The following CADPS variants were observed in gnomAD, a reference collection of about 807,000 sequenced individuals.
The protein encoded by CADPS is calcium-dependent secretion activator 1.
Under a neutral mutation model 167.3 loss-of-function variants are expected in CADPS, and 57 were observed. That is an observed-to-expected ratio of 0.34 (90% confidence interval 0.28 to 0.42). The LOEUF is 0.42. Among genes scored for constraint, CADPS ranks in the 20% least tolerant of loss-of-function variants. The pLI, the probability that CADPS is intolerant of heterozygous loss-of-function variation, is 1.00. For missense variants in CADPS, 1,414 were observed against 1,738.1 expected (o/e 0.81, Z 3.32); for synonymous variants, 676 against 635.3 (o/e 1.06, Z -0.96).
intron 22 of CADPS, among the ~76,000 whole-genome samples, chr3:62,479,483 T>C (rs928591884): frequency 9.9e-5 from 15 of 152,254 alleles, no homozygotes; most frequent in African/African-American, 3.6e-4. Context: ...TGGGTGTTTC[T>C]ATTGTGACAG....
Position 62,532,717 on chromosome 3 carries a change from T to G in CADPS, c.2291+154A>C, listed in dbSNP as rs75239970. On this transcript the variant is annotated intron_variant, in intron 13 of 29. Transcript: ENST00000383710. ...GAAAGGAGAAGAAAGTTAGTGCCCT[T>G]TGTGTGTGTGTGTGTGTGTGTGTGT... 1.8e-3 allele frequency among the ~76,000 whole-genome samples: 263 copies of G among 148,948 alleles called. 3 individuals carry two copies. The highest frequency in any genetic ancestry group is 6.1e-3 in the African/African-American group (248 of 40,376).
At chr3:62,810,824 G>A (rs557433161) in intron 1 of CADPS, among the ~76,000 whole-genome samples, 111 of 152,334 alleles carry the variant, frequency 7.3e-4, no homozygotes, top group Non-Finnish European at 8.5e-4. Context: ...CCATTAGGGC[G>A]ATTGTGAGGG....
intron 21 of CADPS, among the ~76,000 whole-genome samples, chr3:62,487,022 T>C (rs748462644): frequency 6.6e-6 from 1 of 152,228 alleles, no homozygotes; most frequent in Non-Finnish European, 1.5e-5. Context: ...GAATGTCTTA[T>C]GGAAAGCCAC....
In CADPS at chr3:62,669,483, G is replaced by C. The variant is rs78453380; in HGVS notation, c.889-7089C>G. ...TGGGGTTTGAACTGTGGCTGTTTTT[G>C]CCGCATTCAAGACCTGGTTACTGCC... is the stretch of plus-strand genomic sequence containing the variant. On this transcript the variant is annotated intron_variant, in intron 3 of 29. Transcript: ENST00000383710. 2.1e-4 allele frequency among the ~76,000 whole-genome samples: 32 copies of C among 152,232 alleles called. No homozygotes were observed. The East Asian group carries it at 6.2e-3, about 30-fold the overall frequency.
At chr3:62,734,087 T>G (rs1476039701) in intron 3 of CADPS, among the ~76,000 whole-genome samples, 2 of 152,230 alleles carry the variant, frequency 1.3e-5, no homozygotes, top group African/African-American at 4.8e-5. Flanking sequence ...TGAATTTTGC[T>G]GCTATAAATA....
At chr3:62,852,120 C>T (rs868373346) in intron 1 of CADPS, among the ~76,000 whole-genome samples, 2,032 of 149,194 alleles carry the variant, frequency 0.014, 36 homozygotes, top group African/African-American at 0.048. Flanking sequence ...TGGTTTTCAG[C>T]TCCATCAGCT....
Position 62,874,550 on chromosome 3 carries a change from G to C in CADPS, c.441+39C>G. The stretch of plus-strand genomic sequence containing the variant: ...TTGTTCACCCCGCCCGCCTGGCGAC[G>C]TCCGGGTGCTGCTCCCTGGGCCTCC... On this transcript the variant is annotated intron_variant, in intron 1 of 29. Coordinates refer to ENST00000383710, the MANE Select transcript of CADPS (RefSeq NM_003716.4). The surrounding 1 kb of genome is among the most constrained non-coding windows in gnomAD (Gnocchi z 7.1). The C allele has an allele frequency of 1.3e-6, 2 of 1,484,060 alleles. No individual in the cohort carries two copies. Among genetic ancestry groups the C allele is most frequent in the Non-Finnish European group, 1.8e-6 (2 of 1,092,626 alleles). 91.9% of individuals were successfully genotyped at this position (1,484,060 alleles called of 1,614,324 possible).
chr3:62,859,917 A>G (rs2080450379), intron 1 of CADPS, among the ~76,000 whole-genome samples: 2 of 152,168 alleles, frequency 1.3e-5, no homozygotes, highest in South Asian at 2.1e-4. Context: ...CCAGAAGTCT[A>G]CATTATCTTT....
intron 3 of CADPS, among the ~76,000 whole-genome samples, chr3:62,737,188 C>G (rs2079149296): frequency 6.6e-6 from 1 of 151,930 alleles, no homozygotes; most frequent in South Asian, 2.1e-4. Flanking sequence ...CCCCCACAAT[C>G]TAAGTAAATC....
intron 13 of CADPS, among the ~76,000 whole-genome samples, chr3:62,522,492 A>T (rs1276834101): frequency 6.6e-6 from 1 of 152,104 alleles, no homozygotes; most frequent in East Asian, 1.9e-4. Flanking sequence ...AGTAAGAACC[A>T]CTGTGTCAGT....
At chr3:62,585,047 A>G (rs2084295405) in intron 8 of CADPS, 138 bp downstream of exon 8, 2 of 815,254 alleles carry the variant, frequency 2.5e-6, no homozygotes, top group South Asian at 2.1e-5. Flanking sequence ...AGTAAATATC[A>G]AAGTCGAATA....
intron 28 of CADPS, among the ~76,000 whole-genome samples, chr3:62,426,991 C>A (rs541629068): frequency 1.3e-5 from 2 of 150,248 alleles, no homozygotes; most frequent in East Asian, 3.9e-4. Flanking sequence ...AGGAGAATGG[C>A]GTGAACACAG....
At chr3:62,532,120 C>T (rs1194369637) in intron 13 of CADPS, among the ~76,000 whole-genome samples, 3 of 152,210 alleles carry the variant, frequency 2.0e-5, no homozygotes, top group Non-Finnish European at 4.4e-5. Context: ...TTGGCTTCCT[C>T]CTTCTGCAGG....
At chr3:62,610,960 G>T (rs2061425354) in intron 6 of CADPS, among the ~76,000 whole-genome samples, 1 of 152,064 alleles carries the variant, frequency 6.6e-6, no homozygotes, top group African/African-American at 2.4e-5. Flanking sequence ...TGTCACACAG[G>T]GGTGTGGGGG....
At chr3:62,839,623 C>T (rs999408602) in intron 1 of CADPS, among the ~76,000 whole-genome samples, 5 of 152,008 alleles carry the variant, frequency 3.3e-5, no homozygotes, top group Admixed American at 6.6e-5. Context: ...GTAGGGTTTA[C>T]GTAGAGGAAT....
At chr3:62,856,143 G>A (rs1414174291) in intron 1 of CADPS, among the ~76,000 whole-genome samples, 1 of 152,132 alleles carries the variant, frequency 6.6e-6, no homozygotes, top group African/African-American at 2.4e-5. Flanking sequence ...AGGGACAGAA[G>A]TGCTCAGGTG....
At chr3:62,563,838 A>C (rs1207604476) in intron 9 of CADPS, among the ~76,000 whole-genome samples, 1 of 152,202 alleles carries the variant, frequency 6.6e-6, no homozygotes. Context: ...AATAGTCTCC[A>C]ATCCCATCCA....
rs985531615 is a variant in CADPS, at chr3:62,455,995, C to G, written c.3636+9372G>C. 6.6e-5 allele frequency among the ~76,000 whole-genome samples: 10 copies of G among 151,970 alleles called. No individual in the cohort carries two copies. Among genetic ancestry groups the G allele is most frequent in the Non-Finnish European group, 1.3e-4 (9 of 67,980 alleles). ...GGTTTGTAACACAGTGGTTTGGTTT[C>G]TCTCTCTCTCTCTTTTTTGTTTTCA... On this transcript the variant is annotated intron_variant, in intron 26 of 29. Transcript: ENST00000383710. The surrounding 1 kb of genome is among the most constrained non-coding windows in gnomAD (Gnocchi z 4.4).
At position 62,775,655 on chromosome 3, in the gene CADPS, GTTGA is replaced by G. The variant is rs1422904379; in HGVS notation, c.442-9675_442-9672del. Among the ~76,000 whole-genome samples, 7 of 152,262 alleles carry G rather than the reference GTTGA, an allele frequency of 4.6e-5. No homozygotes were observed. The South Asian group carries it at 1.0e-3, about 23-fold the overall frequency. ...ATCTATGAAATACCTACATTTGTCT[GTTGA>G]TTGTTTTTCCAAGTAAAAATGATAT... is the stretch of plus-strand genomic sequence containing the variant. On this transcript the variant is annotated intron_variant, in intron 1 of 29. Transcript: ENST00000383710.
Sources: gnomAD v4.1 joint callset for allele counts (sites outside exome capture counted in the v4.1 genomes callset) on GRCh38, gnomAD v4.1.1 for gene constraint, Gnocchi (gnomAD v3.1) non-coding constraint, MANE v1.5 for transcripts, NCBI Gene and HGNC (gene_info 2026-07-23, HGNC 2026-07-21) for gene names.